Variants in CTNNA3 observed in about 807,000 individuals in gnomAD.
CTNNA3 encodes the protein catenin alpha-3.
CTNNA3 carries 76 observed loss-of-function variants against 95.7 expected under a neutral mutation model. The observed-to-expected ratio is 0.79, with a 90% confidence interval of 0.66 to 0.96. CTNNA3 has a LOEUF of 0.96. Among genes scored for constraint, CTNNA3 ranks in the 40% least tolerant of loss-of-function variants. CTNNA3 has a pLI of 0.00. For synonymous variants in CTNNA3, 431 were observed against 374.4 expected (o/e 1.15, Z -1.74); for missense variants, 1,191 against 1,089.8 (o/e 1.09, Z -1.31).
intron 5 of CTNNA3, among the ~76,000 whole-genome samples, chr10:67,301,134 T>C (rs1167138884): frequency 1.3e-5 from 2 of 152,154 alleles, no homozygotes; most frequent in African/African-American, 2.4e-5. Context: ...CTGGAAGAGA[T>C]GGGAAACTCT....
intron 11 of CTNNA3, among the ~76,000 whole-genome samples, chr10:66,460,531 C>T (rs1379720605): frequency 6.6e-6 from 1 of 152,002 alleles, no homozygotes; most frequent in Admixed American, 6.6e-5. Context: ...GGTTTTTTCC[C>T]CCTGCCCTCC....
intron 5 of CTNNA3, among the ~76,000 whole-genome samples, chr10:67,346,518 GT>G (rs1161083711): frequency 4.6e-5 from 7 of 151,474 alleles, no homozygotes; most frequent in South Asian, 4.2e-4. Flanking sequence ...TAGAGTAAAA[GT>G]TTTTTTTTCC....
At chr10:66,154,710 GA>G (rs2084388748) in intron 13 of CTNNA3, among the ~76,000 whole-genome samples, 1 of 23,918 alleles carries the variant, frequency 4.2e-5, no homozygotes, top group African/African-American at 1.7e-4. Context: ...TCTACTTTTT[GA>G]AAAAGTTCAT....
Position 66,278,252 on chromosome 10 carries a change from T to A in CTNNA3, c.1884+2218A>T, listed in dbSNP as rs145201984. ...AATATAATGTTTAAATGGAAAAAAA[T>A]ATAGGCTAATAGCAGTTGGCTATAT... On this transcript the variant is annotated intron_variant, in intron 13 of 17. Coordinates refer to ENST00000433211, the MANE Select transcript of CTNNA3 (RefSeq NM_013266.4). Among the ~76,000 whole-genome samples, 478 of 149,370 alleles carry A rather than the reference T, an allele frequency of 3.2e-3. 1 individual carries two copies. Among genetic ancestry groups the A allele is most frequent in the Middle Eastern group, 7.0e-3 (2 of 286 alleles).
intron 9 of CTNNA3, among the ~76,000 whole-genome samples, chr10:66,765,522 C>T (rs1474964116): frequency 6.6e-6 from 1 of 152,122 alleles, no homozygotes; most frequent in African/African-American, 2.4e-5. Context: ...TAACATTTCC[C>T]ACTTCTTGCC....
intron 12 of CTNNA3, among the ~76,000 whole-genome samples, chr10:66,327,425 A>T (rs72802842): frequency 2.0e-5 from 3 of 152,120 alleles, no homozygotes; most frequent in African/African-American, 4.8e-5. Flanking sequence ...ATTTAAAATG[A>T]TCCTGAGATT....
intron 5 of CTNNA3, among the ~76,000 whole-genome samples, chr10:67,390,390 A>C (rs1261578242): frequency 2.0e-5 from 3 of 152,184 alleles, no homozygotes; most frequent in African/African-American, 2.4e-5. Flanking sequence ...CAACAACAGG[A>C]TCTGAAATTG....
chr10:66,448,274 C>A (rs149393232), intron 11 of CTNNA3, among the ~76,000 whole-genome samples: 123 of 152,256 alleles, frequency 8.1e-4, no homozygotes, highest in African/African-American at 2.9e-3. Flanking sequence ...TGTAGTGATT[C>A]CACAGGGATC....
At chr10:66,903,463 G>T (rs188175159) in intron 7 of CTNNA3, among the ~76,000 whole-genome samples, 1 of 152,010 alleles carries the variant, frequency 6.6e-6, no homozygotes, top group African/African-American at 2.4e-5. Context: ...TTTGAAAACC[G>T]GCATAAGAAA....
chr10:67,127,315 A>G (rs1589769099), intron 7 of CTNNA3, among the ~76,000 whole-genome samples: 1 of 152,324 alleles, frequency 6.6e-6, no homozygotes, highest in Non-Finnish European at 1.5e-5. Flanking sequence ...AGCTAATGAA[A>G]ACAATAATAA....
intron 13 of CTNNA3, among the ~76,000 whole-genome samples, chr10:66,256,046 A>G (rs1184920025): frequency 1.3e-5 from 2 of 152,184 alleles, no homozygotes; most frequent in Non-Finnish European, 2.9e-5. Context: ...ACAGAACCCA[A>G]CTGGCAACAC....
Position 66,420,838 on chromosome 10 carries a change from T to TAAATAAATAAATAAAA in CTNNA3, c.1532-41487_1532-41486insTTTTATTTATTTATTT, listed in dbSNP as rs905152645. On this transcript the variant is annotated intron_variant, in intron 11 of 17. Coordinates refer to ENST00000433211, the MANE Select transcript of CTNNA3 (RefSeq NM_013266.4). ...ATAAATAAATAAATAAATAAATAAA[T>TAAATAAATAAATAAAA]AAAAAACAATATGGAGATTTCTCAA... is the stretch of plus-strand genomic sequence containing the variant. Among the ~76,000 whole-genome samples, 20 of 83,006 alleles carry TAAATAAATAAATAAAA rather than the reference T, an allele frequency of 2.4e-4. No homozygotes were observed. The East Asian group carries it at 2.7e-3, about 11-fold the overall frequency. 54.5% of individuals were successfully genotyped at this position (83,006 alleles called of 152,430 possible).
chr10:66,218,138 G>T (rs2088674817), intron 13 of CTNNA3, among the ~76,000 whole-genome samples: 1 of 152,072 alleles, frequency 6.6e-6, no homozygotes, highest in Admixed American at 6.6e-5. Context: ...TAATAAGCCT[G>T]TCCTACTCAC....
At chr10:67,558,046 T>C (rs77658709) in intron 3 of CTNNA3, among the ~76,000 whole-genome samples, 1 of 152,188 alleles carries the variant, frequency 6.6e-6, no homozygotes, top group East Asian at 1.9e-4. Flanking sequence ...TATTCCCAAA[T>C]GCAAGAAGAG....
intron 15 of CTNNA3, among the ~76,000 whole-genome samples, chr10:66,052,369 C>T (rs191928889): frequency 1.3e-5 from 2 of 152,078 alleles, no homozygotes; most frequent in East Asian, 3.9e-4. Context: ...TCAAAGATTG[C>T]CTTTGAGGTG....
intron 2 of CTNNA3, among the ~76,000 whole-genome samples, chr10:67,635,426 T>A (rs1839277257): frequency 6.6e-6 from 1 of 152,146 alleles, no homozygotes; most frequent in South Asian, 2.1e-4. Flanking sequence ...TTCAATAATA[T>A]ACTGGCAAAC....
chr10:67,545,584 G>A (rs1840822681), intron 3 of CTNNA3, among the ~76,000 whole-genome samples: 1 of 152,046 alleles, frequency 6.6e-6, no homozygotes. Flanking sequence ...GGTATGGAAG[G>A]AAAAAATGGT....
chr10:67,640,800 A>G (rs896243576), intron 2 of CTNNA3, among the ~76,000 whole-genome samples: 1 of 152,224 alleles, frequency 6.6e-6, no homozygotes, highest in Non-Finnish European at 1.5e-5. Context: ...CTGGCTAGCC[A>G]TATATAGAAA....
intron 7 of CTNNA3, among the ~76,000 whole-genome samples, chr10:66,975,826 A>G (rs548926566): frequency 6.6e-6 from 1 of 152,288 alleles, no homozygotes; most frequent in South Asian, 2.1e-4. Flanking sequence ...TTGGTATTTT[A>G]AACTCCATTA....
Sources: allele counts gnomAD v4.1 joint callset (sites outside exome capture counted in the v4.1 genomes callset), GRCh38; gene constraint gnomAD v4.1.1; transcripts MANE v1.5; gene names NCBI Gene and HGNC (gene_info 2026-07-23, HGNC 2026-07-21).